Variants in PKNOX1 observed in about 807,000 individuals in gnomAD.
PKNOX1 encodes homeobox protein PKNOX1.
PKNOX1 carries 15 observed loss-of-function variants against 51.9 expected under a neutral mutation model. The ratio of observed to expected loss-of-function variants is 0.29; its 90% CI spans 0.19 to 0.45. The LOEUF is 0.45. Among genes scored for constraint, PKNOX1 ranks in the 20% least tolerant of loss-of-function variants. The pLI, the probability that PKNOX1 is intolerant of heterozygous loss-of-function variation, is 1.00. For missense variants in PKNOX1, 462 were observed against 547.5 expected, an observed-to-expected ratio of 0.84 and a Z score of 1.56; for synonymous variants, 219 against 211.1, an observed-to-expected ratio of 1.04 and a Z score of -0.32.
intron 5 of PKNOX1, among the ~76,000 whole-genome samples, chr21:43,014,466 C>A (rs1373106838): frequency 6.6e-6 from 1 of 151,860 alleles, no homozygotes; most frequent in Non-Finnish European, 1.5e-5. Flanking sequence ...TTTTCTCATC[C>A]TCTTAACAGG....
At chr21:43,028,550 G>A in intron 9 of PKNOX1, 152 bp from the exon 10 acceptor site, 1 of 698,402 alleles carries the variant, frequency 1.4e-6, no homozygotes, top group Non-Finnish European at 2.5e-6. Context: ...AAGAGCTGTT[G>A]AGTCCTCTTA....
At chr21:43,029,044 G>A (rs1980110628) in intron 10 of PKNOX1, 170 bp downstream of exon 10, 3 of 664,146 alleles carry the variant, frequency 4.5e-6, no homozygotes, top group African/African-American at 1.8e-5. Flanking sequence ...CTGCGTGCAC[G>A]GGAGCTCTCA....
intron 3 of PKNOX1, among the ~76,000 whole-genome samples, chr21:43,008,097 A>ACACACACAC (rs1568897484): frequency 6.6e-6 from 1 of 151,384 alleles, no homozygotes; most frequent in Non-Finnish European, 1.5e-5. Context: ...ACACACACAC[A>ACACACACAC]AAGATGTTAT....
intron 8 of PKNOX1, among the ~76,000 whole-genome samples, chr21:43,022,366 C>T (rs568613063): frequency 3.3e-5 from 5 of 152,058 alleles, no homozygotes; most frequent in Admixed American, 1.3e-4. Context: ...GTAGCCATCT[C>T]GCCATTTCGC....
intron 1 of PKNOX1, among the ~76,000 whole-genome samples, chr21:43,003,011 C>T (rs539290385): frequency 6.6e-6 from 1 of 152,314 alleles, no homozygotes; most frequent in African/African-American, 2.4e-5. Context: ...CACTGCCCGG[C>T]TCCTTGTTCC....
chr21:42,990,583 G>C (rs2059081856), intron 1 of PKNOX1, among the ~76,000 whole-genome samples: 1 of 152,158 alleles, frequency 6.6e-6, no homozygotes, highest in African/African-American at 2.4e-5. Context: ...GAACTCTAGG[G>C]GAGGAAAGAT....
Position 43,021,428 on chromosome 21 carries a change from C to T in PKNOX1, c.846C>T (p.Ile282=), listed in dbSNP as rs186610951. ...TGCGGTCCTGGCTCTTCCAGCACAT[C>T]GGGGTAAGGACGGCTGGGCCAGCCC... is the stretch of plus-strand genomic sequence containing the variant. ...NVMRSWLFQH[I]GHPYPTEDEK... Residue 282 remains isoleucine, a synonymous_variant, in exon 8 of 11, where the codon ATC becomes ATT. Coordinates refer to ENST00000291547, the MANE Select transcript of PKNOX1 (RefSeq NM_004571.5). The surrounding 1 kb of genome is among the most constrained non-coding windows in gnomAD (Gnocchi z 4.6). The T allele has an allele frequency of 2.1e-5, 34 of 1,607,396 alleles. No homozygotes were observed. The highest frequency in any genetic ancestry group is 5.0e-5 in the Admixed American group (3 of 59,494).
intron 1 of PKNOX1, among the ~76,000 whole-genome samples, chr21:42,982,186 G>T (rs971727513): frequency 5.3e-5 from 8 of 152,142 alleles, no homozygotes; most frequent in Non-Finnish European, 1.5e-5. Context: ...GGGCTACCTG[G>T]CCCAGGGAGT....
At chr21:43,020,524 G>A (rs1568903131) in intron 7 of PKNOX1, 1 of 152,246 alleles carries the variant, frequency 6.6e-6, no homozygotes, top group Non-Finnish European at 1.5e-5. Context: ...AGTAGCCTAC[G>A]CTTTCCTGGG....
At chr21:43,028,671 T>G in intron 9 of PKNOX1, 31 bp from the exon 10 acceptor site, 1 of 1,608,964 alleles carries the variant, frequency 6.2e-7, no homozygotes, top group Non-Finnish European at 8.5e-7. Flanking sequence ...CGAAGGCTGT[T>G]TTCATGGAAG....
intron 6 of PKNOX1, chr21:43,017,810 T>A: frequency 5.3e-6 from 1 of 189,320 alleles, no homozygotes; most frequent in Non-Finnish European, 1.1e-5. Context: ...ACCCAGGGAG[T>A]TTGTTTTGAT....
chr21:43,025,612 C>T (rs1048408078), intron 9 of PKNOX1, among the ~76,000 whole-genome samples: 2 of 152,142 alleles, frequency 1.3e-5, no homozygotes, highest in East Asian at 3.9e-4. Context: ...TGTGCGTGTT[C>T]CTAGGTGGCA....
chr21:42,992,997 G>A lies in PKNOX1; in HGVS notation c.-56-11329G>A, dbSNP rs552704468. Reference sequence around the variant, plus strand: ...TCAGGGGGGCGTTCCTCACAGCATGGGGCTTCCTGGTAGTCGGAGTGTCAC... The same window carrying A: ...TCAGGGGGGCGTTCCTCACAGCATGAGGCTTCCTGGTAGTCGGAGTGTCAC... On this transcript the variant is annotated intron_variant, in intron 1 of 10. Coordinates refer to ENST00000291547, the MANE Select transcript of PKNOX1 (RefSeq NM_004571.5). Among the ~76,000 whole-genome samples, 6 of 152,172 alleles carry A rather than the reference G, an allele frequency of 3.9e-5. No homozygotes were observed. The South Asian group carries it at 1.0e-3, about 26-fold the overall frequency.
At position 43,031,392 on chromosome 21, in the gene PKNOX1, C is replaced by T. The variant is rs1257940231; in HGVS notation, c.*1291C>T. 5 of 152,274 alleles carry T rather than the reference C, an allele frequency of 3.3e-5. No individual in the cohort carries two copies. Among genetic ancestry groups the T allele is most frequent in the East Asian group, 1.9e-4 (1 of 5,196 alleles). The allele number at this position is 152,274 out of a possible 1,614,324, so 9.4% of individuals were successfully genotyped here. On this transcript the variant is annotated 3_prime_UTR_variant, in exon 11 of 11. Coordinates refer to ENST00000291547, the MANE Select transcript of PKNOX1 (RefSeq NM_004571.5). ...CTCCTGGTGTCAGTGTTCTCTTGTA[C>T]GTTGTTGCTTTCGACTTTTCAGAGC...
intron 3 of PKNOX1, among the ~76,000 whole-genome samples, chr21:43,007,987 C>T (rs924217140): frequency 2.0e-5 from 3 of 151,182 alleles, no homozygotes; most frequent in South Asian, 2.1e-4. Context: ...TCACTTGAAC[C>T]GGGGAGGCGG....
chr21:43,001,499 G>A (rs1033942065), intron 1 of PKNOX1, among the ~76,000 whole-genome samples: 2 of 152,206 alleles, frequency 1.3e-5, no homozygotes, highest in Middle Eastern at 3.4e-3. Context: ...CCTTCTCCAC[G>A]AGGCTTTGGG....
At chr21:43,003,363 T>C (rs571839228) in intron 1 of PKNOX1, among the ~76,000 whole-genome samples, 26 of 152,224 alleles carry the variant, frequency 1.7e-4, no homozygotes, top group Non-Finnish European at 3.2e-4. Flanking sequence ...GGAAGTGGCA[T>C]TTTGCGGTTT....
At chr21:43,011,693 G>T (rs1317885891) in intron 4 of PKNOX1, among the ~76,000 whole-genome samples, 1 of 152,168 alleles carries the variant, frequency 6.6e-6, no homozygotes, top group Non-Finnish European at 1.5e-5. Flanking sequence ...CCCTGGTTAG[G>T]GCCTTCAACA....
At chr21:43,010,871 A>AAAAAT (rs551350083) in intron 4 of PKNOX1, among the ~76,000 whole-genome samples, 64 of 152,032 alleles carry the variant, frequency 4.2e-4, no homozygotes, top group South Asian at 3.5e-3. Context: ...CTCAAAAAAT[A>AAAAAT]AAAATAAAAT....
Sources: allele counts gnomAD v4.1 joint callset (sites outside exome capture counted in the v4.1 genomes callset), GRCh38; gene constraint gnomAD v4.1.1; non-coding constraint Gnocchi (gnomAD v3.1); transcripts MANE v1.5; gene names NCBI Gene and HGNC (gene_info 2026-07-23, HGNC 2026-07-21).